The following EXOC3L4 variants were observed in gnomAD, a reference collection of about 807,000 sequenced individuals.
EXOC3L4 encodes the protein exocyst complex component 3 like 4, also known as exocyst complex component 3-like protein 4.
EXOC3L4 carries 62 observed loss-of-function variants against 69.7 expected under a neutral mutation model. That is an observed-to-expected ratio of 0.89 (90% CI 0.72 to 1.10). The LOEUF is 1.10. EXOC3L4 is among the 50% of genes least tolerant of loss of function. The probability of loss-of-function intolerance (pLI) is 0.00; values close to 1 mark genes in which losing one functional copy is unlikely to be tolerated. For synonymous variants in EXOC3L4, 502 were observed against 464.2 expected (o/e 1.08, Z -1.05); for missense variants, 1,087 against 1,034.8 (o/e 1.05, Z -0.69).
chr14:103,096,497 T>C (rs1236956382), intron 1 of EXOC3L4, among the ~76,000 whole-genome samples: 1 of 150,998 alleles, frequency 6.6e-6, no homozygotes, highest in Non-Finnish European at 1.5e-5. Flanking sequence ...CCAGCTCAAA[T>C]GCCTGGGTTT....
intron 7 of EXOC3L4, among the ~76,000 whole-genome samples, chr14:103,105,990 G>A (rs1890528157): frequency 6.6e-6 from 1 of 152,220 alleles, no homozygotes; most frequent in South Asian, 2.1e-4. Context: ...TGCTCCCTGG[G>A]GTGGTGTGGG....
rs1170480625 is a variant in EXOC3L4, at chr14:103,103,297, G to A, written c.1049+525G>A. ...TTGAACCCGGGAGGCGGAGGTTGCAGTGAGCCGAGGTCGCGCTATTGCACT... is the reference window on the plus strand; with the variant it reads ...TTGAACCCGGGAGGCGGAGGTTGCAATGAGCCGAGGTCGCGCTATTGCACT... On this transcript the variant is annotated intron_variant, in intron 3 of 11. Transcript: ENST00000688303. 4.0e-5 allele frequency among the ~76,000 whole-genome samples: 6 copies of A among 148,278 alleles called. 1 individual carries two copies. In the East Asian group the frequency reaches 6.1e-4, roughly 15 times the overall value.
At chr14:103,100,071 C>A in intron 1 of EXOC3L4, 133 bp from the exon 2 acceptor site, 1 of 994,956 alleles carries the variant, frequency 1.0e-6, no homozygotes, top group Non-Finnish European at 1.4e-6. Context: ...CCTGGTGATG[C>A]TTCCTTTTGA....
chr14:103,107,403 TCCCAGCCCCTCTGTC>T lies in EXOC3L4; in HGVS notation c.1582-13_1583del, dbSNP rs1890622489. 6.2e-7 allele frequency: 1 copy of T among 1,610,090 alleles called. No homozygotes were observed. The highest frequency in any genetic ancestry group is 8.5e-7 in the Non-Finnish European group (1 of 1,177,494). On this transcript the variant is annotated splice_region_variant and splice_polypyrimidine_tract_variant and intron_variant, in intron 8 of 11. Transcript: ENST00000688303. The stretch of plus-strand genomic sequence containing the variant: ...GCGGGCGTAGTGCACATTTGCAGAC[TCCCAGCCCCTCTGTC>T]CCCAGCCGCTCTTCAGGGTTGTGTG...
At chr14:103,096,918 C>G (rs1889914941) in intron 1 of EXOC3L4, among the ~76,000 whole-genome samples, 1 of 152,198 alleles carries the variant, frequency 6.6e-6, no homozygotes, top group African/African-American at 2.4e-5. Flanking sequence ...TGAGAGGGGA[C>G]AAGCCCCGCA....
intron 1 of EXOC3L4, among the ~76,000 whole-genome samples, chr14:103,096,663 T>C (rs1889901740): frequency 6.6e-6 from 1 of 152,222 alleles, no homozygotes. Flanking sequence ...TGTTTAAAGA[T>C]GGATGCAGTC....
chr14:103,103,039 G>C (rs1490310226), intron 3 of EXOC3L4, among the ~76,000 whole-genome samples: 3 of 152,194 alleles, frequency 2.0e-5, no homozygotes, highest in Non-Finnish European at 2.9e-5. Context: ...GCCTGTGCTG[G>C]TTCCACCAGG....
rs868864425 is a variant in EXOC3L4, at chr14:103,100,512, G to A, written c.293G>A (p.Gly98Asp). 1 of 1,612,818 alleles carries A rather than the reference G, an allele frequency of 6.2e-7. No individual in the cohort carries two copies. Among genetic ancestry groups the A allele is most frequent in the South Asian group, 1.1e-5 (1 of 90,896 alleles). ...GCCCTGAATGACGGCCCAGCTACCG[G>A]CCATTCCCAGGCCACTCCTGAGGTG... ...RQALNDGPAT[G>D]HSQATPEVPS... The change falls in exon 2 of 12, where the codon GGC becomes GAC. Residue 98 changes from glycine (G) to aspartate (D), a missense_variant. Gly to Asp is a moderately conservative substitution (Grantham distance 94). Coordinates refer to ENST00000688303, the MANE Select transcript of EXOC3L4 (RefSeq NM_001077594.2).
chr14:103,102,902 G>A, intron 3 of EXOC3L4, 130 bp downstream of exon 3: 2 of 983,346 alleles, frequency 2.0e-6, no homozygotes, highest in Non-Finnish European at 1.3e-6. Flanking sequence ...TGAGAGCCGA[G>A]GGCTTCGACA....
At chr14:103,094,265 C>T (rs971983792), upstream of EXOC3L4, among the ~76,000 whole-genome samples, 5 of 152,176 alleles carry the variant, frequency 3.3e-5, no homozygotes, top group Non-Finnish European at 5.9e-5. Flanking sequence ...TCAACTGCTG[C>T]CTTTGCTGTC....
intron 3 of EXOC3L4, chr14:103,103,407 C>G (rs1890332826): frequency 1.3e-5 from 2 of 154,640 alleles, no homozygotes; most frequent in Admixed American, 6.5e-5. Flanking sequence ...AAAAGGGCAC[C>G]CCGTTAGGCC....
At position 103,100,328 on chromosome 14, in the gene EXOC3L4, G is replaced by A. The variant is rs1211035784; in HGVS notation, c.109G>A (p.Glu37Lys). Residue 37 changes from glutamate (E) to lysine (K), a missense_variant, in exon 2 of 12, where the codon GAG (glutamate) becomes AAG (lysine). Glu to Lys is a moderately conservative substitution (Grantham distance 56, BLOSUM62 1). Coordinates refer to ENST00000688303, the MANE Select transcript of EXOC3L4 (RefSeq NM_001077594.2). ...QGSRRTSSRK[E>K]PNAHRKDGTR... ...CTCCCGGCGAACAAGCAGCAGGAAA[G>A]AGCCCAATGCCCACCGCAAGGATGG... The A allele has an allele frequency of 6.3e-7, 1 of 1,593,776 alleles. No homozygotes were observed. The highest frequency in any genetic ancestry group is 8.6e-7 in the Non-Finnish European group (1 of 1,169,494).
intron 10 of EXOC3L4, 26 bp downstream of exon 10, chr14:103,107,809 G>C: frequency 6.7e-7 from 1 of 1,486,070 alleles, no homozygotes; most frequent in Non-Finnish European, 9.0e-7. Context: ...CTGCCCTTCG[G>C]TGCTCGCCTC....
At position 103,102,446 on chromosome 14, in the gene EXOC3L4, G is replaced by C. The variant is rs1326511008; in HGVS notation, c.723G>C (p.Trp241Cys). ...ACTTCCTGCGCACGCCGCGCCGCTGGCGCCAGCACTGGGAGGAGGCGGTGC... is the reference window on the plus strand; with the variant it reads ...ACTTCCTGCGCACGCCGCGCCGCTGCCGCCAGCACTGGGAGGAGGCGGTGC... The part of the protein sequence containing the change: ...DGDFLRTPRR[W>C]RQHWEEAVRR... Residue 241 changes from tryptophan (W) to cysteine (C), a missense_variant, in exon 3 of 12, where the codon TGG becomes TGC. Coordinates refer to ENST00000688303, the MANE Select transcript of EXOC3L4 (RefSeq NM_001077594.2). 1 of 1,501,684 alleles carries C rather than the reference G, an allele frequency of 6.7e-7. No individual in the cohort carries two copies. Among genetic ancestry groups the C allele is most frequent in the Non-Finnish European group, 8.8e-7 (1 of 1,134,656 alleles). The allele number at this position is 1,501,684 out of a possible 1,614,324, so 93.0% of individuals were successfully genotyped here.
chr14:103,110,134 G>T lies in EXOC3L4; in HGVS notation c.2080G>T (p.Ala694Ser). Residue 694 changes from alanine to serine, a missense_variant, in exon 12 of 12, where the codon GCG (alanine) becomes TCG (serine). Coordinates refer to ENST00000688303, the MANE Select transcript of EXOC3L4 (RefSeq NM_001077594.2). ...AGACCTGCTGAGAGCTGCGGCCGGG[G>T]CGGCGGGTGCGGAGGCCCCTCGGGG... is the stretch of plus-strand genomic sequence containing the variant. ...TQDLLRAAAG[A>S]AGAEAPRGRV... 1.9e-6 allele frequency: 3 copies of T among 1,552,462 alleles called. No homozygotes were observed. Among genetic ancestry groups the T allele is most frequent in the Non-Finnish European group, 2.6e-6 (3 of 1,148,260 alleles).
chr14:103,095,654 T>C (rs1889858173), intron 1 of EXOC3L4, among the ~76,000 whole-genome samples: 1 of 152,240 alleles, frequency 6.6e-6, no homozygotes, highest in African/African-American at 2.4e-5. Context: ...GGAGCTGTGC[T>C]TCTTCCGAGG....
chr14:103,107,769 A>T lies in EXOC3L4; in HGVS notation c.1840A>T (p.Thr614Ser), dbSNP rs1890653881. ...CCTGGATGCCCAGGCCATCAGCGAC[A>T]CCTTCCAGGGCCTGGTAGGGGCGGC... ...MSLDAQAISD[T>S]FQGLGSEATW... Residue 614 changes from threonine (T) to serine (S), a missense_variant, in exon 10 of 12, where the codon ACC becomes TCC. By Grantham distance (58) the Thr-to-Ser change is moderately conservative. Coordinates refer to ENST00000688303, the MANE Select transcript of EXOC3L4 (RefSeq NM_001077594.2). 1 of 1,529,390 alleles carries T rather than the reference A, an allele frequency of 6.5e-7. No individual in the cohort carries two copies. The highest frequency in any genetic ancestry group is 1.4e-5 in the African/African-American group (1 of 73,092). The allele number at this position is 1,529,390 out of a possible 1,614,324, so 94.7% of individuals were successfully genotyped here.
rs1437555245 is a variant in EXOC3L4 at position 103,102,398 on chromosome 14, C to T, written c.675C>T (p.His225=). The T allele has an allele frequency of 6.5e-6, 10 of 1,541,262 alleles. No homozygotes were observed. The highest frequency in any genetic ancestry group is 1.9e-5 in the Admixed American group (1 of 52,112). ...ARVVSAEEEA[H]PSPPDDGDFL... is the part of the protein sequence containing the mutation. ...TGGTGAGCGCGGAGGAGGAAGCCCA[C>T]CCTTCTCCCCCCGACGACGGCGACT... The change falls in exon 3 of 12, where the codon CAC becomes CAT. Residue 225 remains histidine (H), a synonymous_variant. Transcript: ENST00000688303.
At position 103,102,415 on chromosome 14, in the gene EXOC3L4, A is replaced by C. The variant is rs763424509; in HGVS notation, c.692A>C (p.Asp231Ala). ...EEEAHPSPPD[D>A]GDFLRTPRRW... ...GAAGCCCACCCTTCTCCCCCCGACG[A>C]CGGCGACTTCCTGCGCACGCCGCGC... The change falls in exon 3 of 12, where the codon GAC (aspartate) becomes GCC (alanine). Residue 231 changes from aspartate (D) to alanine (A), a missense_variant. Physicochemically the swap from Asp to Ala is moderately radical, Grantham distance 126. Transcript: ENST00000688303. The C allele has an allele frequency of 1.3e-6, 2 of 1,531,980 alleles. No individual in the cohort carries two copies. The highest frequency in any genetic ancestry group is 2.4e-5 in the South Asian group (2 of 83,686). The allele number at this position is 1,531,980 out of a possible 1,614,324, so 94.9% of individuals were successfully genotyped here.
Sources: gnomAD v4.1 joint callset for allele counts (sites outside exome capture counted in the v4.1 genomes callset) on GRCh38, gnomAD v4.1.1 for gene constraint, MANE v1.5 for transcripts, NCBI Gene and HGNC (gene_info 2026-07-23, HGNC 2026-07-21) for gene names.